The following DISP1 variants were observed in gnomAD, a reference collection of about 807,000 sequenced individuals.
DISP1 encodes the protein protein dispatched homolog 1.
In DISP1, 30 loss-of-function variants were observed where a neutral mutation model predicts 37.3. The ratio of observed to expected loss-of-function variants is 0.80; its 90% confidence interval spans 0.60 to 1.09. The LOEUF (loss-of-function observed/expected upper bound fraction) is 1.09. Ranked by LOEUF, DISP1 falls within the 50% of genes least tolerant of loss-of-function variation. The pLI, the probability that DISP1 is intolerant of heterozygous loss-of-function variation, is 0.00. For synonymous variants in DISP1, 634 were observed against 690.2 expected (o/e 0.92, Z 1.28); for missense variants, 1,598 against 1,879.5 (o/e 0.85, Z 2.77).
chr1:222,880,152 C>T (rs1018057219), intron 1 of DISP1, among the ~76,000 whole-genome samples: 7 of 152,008 alleles, frequency 4.6e-5, no homozygotes, highest in Non-Finnish European at 1.0e-4. Context: ...TTACAATTTA[C>T]ACTTATGGAG....
intron 2 of DISP1, among the ~76,000 whole-genome samples, chr1:222,935,203 C>T (rs1293736571): frequency 6.6e-6 from 1 of 152,116 alleles, no homozygotes; most frequent in Non-Finnish European, 1.5e-5. Context: ...TATTTGGAAG[C>T]ACTGGTTTAG....
At chr1:222,972,467 T>C (rs1284481762) in intron 3 of DISP1, among the ~76,000 whole-genome samples, 3 of 152,146 alleles carry the variant, frequency 2.0e-5, no homozygotes, top group African/African-American at 4.8e-5. Flanking sequence ...CAAGAAACTT[T>C]AGCCACTTCC....
chr1:222,823,851 C>T (rs761021657), intron 1 of DISP1: 4 of 137,032 alleles, frequency 2.9e-5, no homozygotes, highest in Non-Finnish European at 4.6e-5. Context: ...TTTTCGGACT[C>T]CTAGTATCTG....
chr1:222,926,506 T>A (rs1187323368), intron 1 of DISP1, among the ~76,000 whole-genome samples: 1 of 152,196 alleles, frequency 6.6e-6, no homozygotes, highest in Non-Finnish European at 1.5e-5. Context: ...AATTACTGGT[T>A]CTAGGAGAAA....
At chr1:222,942,708 C>T in intron 2 of DISP1, 99 bp from the exon 3 acceptor site, 2 of 1,388,118 alleles carry the variant, frequency 1.4e-6, no homozygotes. Flanking sequence ...CTGCAAGAAC[C>T]CTCATTTTCA....
chr1:222,825,071 C>T (rs1196924477), intron 1 of DISP1, among the ~76,000 whole-genome samples: 1 of 151,212 alleles, frequency 6.6e-6, no homozygotes, highest in Non-Finnish European at 1.5e-5. Context: ...GCCCTAGAAG[C>T]CTGTTCAGGT....
At chr1:222,858,634 G>A (rs894594868) in intron 1 of DISP1, among the ~76,000 whole-genome samples, 2 of 151,702 alleles carry the variant, frequency 1.3e-5, no homozygotes, top group Non-Finnish European at 2.9e-5. Context: ...AAATTTACAG[G>A]AAAAAAAGAA....
At chr1:222,917,844 A>G (rs1266532696) in intron 1 of DISP1, among the ~76,000 whole-genome samples, 1 of 151,938 alleles carries the variant, frequency 6.6e-6, no homozygotes, top group East Asian at 1.9e-4. Flanking sequence ...ACTGAGCTTC[A>G]TTGCTCTACA....
intron 1 of DISP1, among the ~76,000 whole-genome samples, chr1:222,880,787 A>G (rs541524595): frequency 6.6e-5 from 10 of 152,344 alleles, no homozygotes; most frequent in Non-Finnish European, 1.5e-4. Context: ...TGGGCCAGAC[A>G]TGGTGAGTCA....
At chr1:222,909,167 A>T (rs914444831) in intron 1 of DISP1, among the ~76,000 whole-genome samples, 10 of 152,248 alleles carry the variant, frequency 6.6e-5, no homozygotes, top group Non-Finnish European at 1.5e-4. Context: ...ATTATATTGT[A>T]TATATAGATA....
rs374553907 is a variant in DISP1, at chr1:222,931,998, A to G, written c.-18+3428A>G. Among the ~76,000 whole-genome samples the G allele has an allele frequency of 2.7e-4, 41 of 152,062 alleles. No individual in the cohort carries two copies. In the Middle Eastern group the frequency reaches 0.01, roughly 38 times the overall value. On this transcript the variant is annotated intron_variant, in intron 2 of 8. Coordinates refer to ENST00000675850, the MANE Select transcript of DISP1 (RefSeq NM_001377229.1). ...CCTTCCAGCTTAAGAAGTACTGCAG[A>G]TGAAATCTCTTTTCATTGTAACAAG...
intron 1 of DISP1, among the ~76,000 whole-genome samples, chr1:222,899,600 A>T (rs917967192): frequency 1.3e-5 from 2 of 151,696 alleles, no homozygotes; most frequent in Admixed American, 6.6e-5. Flanking sequence ...TTTTTAAGAG[A>T]TGATATCTTG....
At chr1:222,848,600 G>A (rs1334111445) in intron 1 of DISP1, among the ~76,000 whole-genome samples, 1 of 152,120 alleles carries the variant, frequency 6.6e-6, no homozygotes, top group African/African-American at 2.4e-5. Flanking sequence ...GTCCTGGATT[G>A]CAGGCTCTTT....
chr1:222,866,811 T>C (rs1452655605), intron 1 of DISP1, among the ~76,000 whole-genome samples: 2 of 152,196 alleles, frequency 1.3e-5, no homozygotes, highest in African/African-American at 4.8e-5. Context: ...GCAAGCTTCT[T>C]TGTCACTTGA....
chr1:222,951,853 G>A lies in DISP1; in HGVS notation c.509+8521G>A, dbSNP rs531890977. 5.3e-5 allele frequency among the ~76,000 whole-genome samples: 8 copies of A among 152,234 alleles called. No homozygotes were observed. The South Asian group carries it at 6.2e-4, about 12-fold the overall frequency. ...CATAGATAGATTGCCATCTTTGATC[G>A]GTAAGTATTTACAGAATAGCTGTTG... On this transcript the variant is annotated intron_variant, in intron 3 of 8. Transcript: ENST00000675850.
intron 1 of DISP1, among the ~76,000 whole-genome samples, chr1:222,875,235 C>T (rs945277869): frequency 1.3e-5 from 2 of 151,904 alleles, no homozygotes; most frequent in Non-Finnish European, 2.9e-5. Flanking sequence ...ATCACTTGAA[C>T]CCAGGAGGCG....
intron 3 of DISP1, among the ~76,000 whole-genome samples, chr1:222,964,877 C>G (rs1156976393): frequency 1.3e-5 from 2 of 152,162 alleles, no homozygotes; most frequent in Non-Finnish European, 2.9e-5. Context: ...TGCCTTTGCT[C>G]CAGCTCCCAG....
chr1:222,933,501 G>A (rs1028081381), intron 2 of DISP1, among the ~76,000 whole-genome samples: 8 of 151,798 alleles, frequency 5.3e-5, no homozygotes, highest in Non-Finnish European at 8.9e-5. Context: ...AACTCAGTTC[G>A]CTTTCTCCTA....
At chr1:223,000,674 C>G (rs1679373775) in intron 8 of DISP1, among the ~76,000 whole-genome samples, 2 of 152,042 alleles carry the variant, frequency 1.3e-5, no homozygotes, top group Admixed American at 6.5e-5. Context: ...CATGGCCAGT[C>G]CTGTTTCATC....
Sources: allele counts gnomAD v4.1 joint callset (sites outside exome capture counted in the v4.1 genomes callset), GRCh38; gene constraint gnomAD v4.1.1; transcripts MANE v1.5; gene names NCBI Gene and HGNC (gene_info 2026-07-23, HGNC 2026-07-21).